The following VEGFB variants were observed in gnomAD, a reference collection of about 807,000 sequenced individuals.
VEGFB encodes vascular endothelial growth factor B, also known as VEGF-related factor.
A neutral mutation model predicts 22.5 loss-of-function variants in VEGFB; 24 were observed. The observed-to-expected ratio is 1.07, with a 90% CI of 0.77 to 1.50. VEGFB has a LOEUF of 1.50. Ranked by LOEUF, VEGFB falls within the 40% of genes most tolerant of loss-of-function variation. VEGFB has a pLI of 0.00. For synonymous variants in VEGFB, 141 were observed against 117.4 expected (o/e 1.20, Z -1.30); for missense variants, 327 against 287.8 (o/e 1.14, Z -0.99).
rs374179641 is a variant in VEGFB, at chr11:64,237,146, C to G, written c.375-41C>G. The G allele has an allele frequency of 2.1e-5, 31 of 1,466,710 alleles. 1 individual carries two copies. The highest frequency in any genetic ancestry group is 2.0e-4 in the African/African-American group (13 of 64,058). 90.9% of individuals were successfully genotyped at this position (1,466,710 alleles called of 1,614,324 possible). ...GAGTAGGATGCTGGGATTTCCTGAT[C>G]TTCCTCTTGTTTGTCTGTGTCTGTC... On this transcript the variant is annotated intron_variant, in intron 4 of 6. Transcript: ENST00000309422.
chr11:64,237,655 G>A lies in VEGFB; in HGVS notation c.*22G>A, dbSNP rs1366624676. 1 of 1,520,822 alleles carries A rather than the reference G, an allele frequency of 6.6e-7. No individual in the cohort carries two copies. Among genetic ancestry groups the A allele is most frequent in the East Asian group, 2.5e-5 (1 of 40,590 alleles). The allele number at this position is 1,520,822 out of a possible 1,614,324, so 94.2% of individuals were successfully genotyped here. On this transcript the variant is annotated splice_region_variant and 3_prime_UTR_variant, in exon 6 of 7. Coordinates refer to ENST00000309422, the MANE Select transcript of VEGFB (RefSeq NM_003377.5). ...TTAGAGCTCAACCCAGACACCTGCA[G>A]GTGAGGCGTCTGTGGGGTGGTGTTT...
Position 64,236,298 on chromosome 11 carries a change from C to G in VEGFB, c.345C>G (p.Ser115=), listed in dbSNP as rs766065598. 2 of 1,613,898 alleles carry G rather than the reference C, an allele frequency of 1.2e-6. No individual in the cohort carries two copies. The highest frequency in any genetic ancestry group is 4.5e-5 in the East Asian group (2 of 44,884). ...CGAGCAGTCAGCTGGGGGAGATGTC[C>G]CTGGAAGAACACAGCCAGTGTGAAT... ...RYPSSQLGEM[S]LEEHSQCECR... The change falls in exon 4 of 7, where the codon TCC becomes TCG. Residue 115 remains serine (S), a synonymous_variant. Transcript: ENST00000309422.
rs1178439545 is a variant in VEGFB, at chr11:64,237,083, CAAAGAGAGAGAGAG to C, written c.375-102_375-89del. On this transcript the variant is annotated intron_variant, in intron 4 of 6. Coordinates refer to ENST00000309422, the MANE Select transcript of VEGFB (RefSeq NM_003377.5). The stretch of plus-strand genomic sequence containing the variant: ...GGGCAAGAAGAGGGAAACACAGTCT[CAAAGAGAGAGAGAG>C]AGAGAGAGAGAGAGAGAGAGAGAGA... 148 of 650,498 alleles carry C rather than the reference CAAAGAGAGAGAGAG, an allele frequency of 2.3e-4. 8 individuals are homozygous for C. Among genetic ancestry groups the C allele is most frequent in the African/African-American group, 1.3e-3 (44 of 34,480 alleles). 40.3% of individuals were successfully genotyped at this position (650,498 alleles called of 1,614,324 possible). A position where few individuals can be genotyped will look rare whatever the true frequency, so the allele number is the denominator to read the frequency against.
chr11:64,236,859 A>C (rs1436496255), intron 4 of VEGFB, among the ~76,000 whole-genome samples: 1 of 149,250 alleles, frequency 6.7e-6, no homozygotes, highest in African/African-American at 2.4e-5. Flanking sequence ...CAGGCAGATC[A>C]CCTGAGGTAA....
rs1374023961 is a variant in VEGFB, at chr11:64,237,075, C to T, written c.375-112C>T. On this transcript the variant is annotated intron_variant, in intron 4 of 6. Transcript: ENST00000309422. ...TCCAGCCTGGGCAAGAAGAGGGAAA[C>T]ACAGTCTCAAAGAGAGAGAGAGAGA... 5 of 765,388 alleles carry T rather than the reference C, an allele frequency of 6.5e-6. No homozygotes were observed. The African/African-American group carries it at 1.2e-4, about 18-fold the overall frequency. 47.4% of individuals were successfully genotyped at this position (765,388 alleles called of 1,614,324 possible).
At chr11:64,237,369 C>G (rs1210052287) in intron 5 of VEGFB, 51 bp from the exon 6 acceptor site, 1 of 1,538,998 alleles carries the variant, frequency 6.5e-7, no homozygotes, top group South Asian at 1.2e-5. Flanking sequence ...GACCCCAGCT[C>G]TAGGGAAGAC....
At chr11:64,237,260 G>C in intron 5 of VEGFB, 38 bp downstream of exon 5, 1 of 1,578,504 alleles carries the variant, frequency 6.3e-7, no homozygotes. Context: ...GGGGTATGGG[G>C]AGTACAAGTG....
chr11:64,236,771 T>C (rs1273074700), intron 4 of VEGFB, among the ~76,000 whole-genome samples: 1 of 129,608 alleles, frequency 7.7e-6, no homozygotes, highest in African/African-American at 2.8e-5. Flanking sequence ...AGGCCTTGGA[T>C]CTGGGGCAAC....
At chr11:64,235,684 A>G in intron 2 of VEGFB, 129 bp from the exon 3 acceptor site, 7 of 1,289,028 alleles carry the variant, frequency 5.4e-6, no homozygotes, top group Non-Finnish European at 7.7e-6. Context: ...GCAGGGGAAG[A>G]CAGGTTGTGA....
chr11:64,236,229 C>T (rs767373609), intron 3 of VEGFB, 25 bp from the exon 4 acceptor site: 8 of 1,610,772 alleles, frequency 5.0e-6, no homozygotes, highest in East Asian at 4.5e-5. Context: ...CCTCACTGTC[C>T]CCCCTGTTCT....
Position 64,236,347 on chromosome 11 carries a change from T to C in VEGFB, c.374+20T>C. On this transcript the variant is annotated intron_variant, in intron 4 of 6. Coordinates refer to ENST00000309422, the MANE Select transcript of VEGFB (RefSeq NM_003377.5). Reference sequence around the variant, plus strand: ...ATGCAGGTGCCAGCCAGGCCCAACTTCTGAGCTCGCAGAGGCCAGGCTTGG... The same window carrying C: ...ATGCAGGTGCCAGCCAGGCCCAACTCCTGAGCTCGCAGAGGCCAGGCTTGG... 6.2e-7 allele frequency: 1 copy of C among 1,612,710 alleles called. No homozygotes were observed. Among genetic ancestry groups the C allele is most frequent in the African/African-American group, 1.3e-5 (1 of 74,986 alleles).
Position 64,237,133 on chromosome 11 carries a change from G to A in VEGFB, c.375-54G>A, listed in dbSNP as rs1346918278. On this transcript the variant is annotated intron_variant, in intron 4 of 6. Coordinates refer to ENST00000309422, the MANE Select transcript of VEGFB (RefSeq NM_003377.5). ...AGAGAGAGAGAGAGAGTAGGATGCT[G>A]GGATTTCCTGATCTTCCTCTTGTTT... 5 of 1,314,062 alleles carry A rather than the reference G, an allele frequency of 3.8e-6. 2 individuals are homozygous for A. Among genetic ancestry groups the A allele is most frequent in the South Asian group, 2.5e-5 (2 of 78,846 alleles). 81.4% of individuals were successfully genotyped at this position (1,314,062 alleles called of 1,614,324 possible). A position where few individuals can be genotyped will look rare whatever the true frequency, so the allele number is the denominator to read the frequency against.
rs1164482571 is a variant in VEGFB, at chr11:64,238,410, G to A, written c.*77G>A. 2.0e-6 allele frequency: 3 copies of A among 1,536,108 alleles called. No individual in the cohort carries two copies. Among genetic ancestry groups the A allele is most frequent in the Admixed American group, 2.0e-5 (1 of 50,998 alleles). On this transcript the variant is annotated 3_prime_UTR_variant, in exon 7 of 7. Transcript: ENST00000309422. The stretch of plus-strand genomic sequence containing the variant: ...CTTTTCAGACTCAGCAGGGTGACTT[G>A]CCTCAGAGGCTATATCCCAGTGGGG...
In VEGFB at chr11:64,235,985, T is replaced by G. The variant is rs1201020993; in HGVS notation, c.276T>G (p.Thr92=). Residue 92 remains threonine, a synonymous_variant, in exon 3 of 7, where the codon ACT becomes ACG. Coordinates refer to ENST00000309422, the MANE Select transcript of VEGFB (RefSeq NM_003377.5). ...ACGATGGCCTGGAGTGTGTGCCCAC[T>G]GGGCAGCACCAAGTCCGGATGCAGG... ...CPDDGLECVP[T]GQHQVRMQIL... The G allele has an allele frequency of 6.2e-7, 1 of 1,602,246 alleles. No homozygotes were observed. Among genetic ancestry groups the G allele is most frequent in the Admixed American group, 1.7e-5 (1 of 57,884 alleles).
In VEGFB at chr11:64,237,129, T is replaced by C. The variant is rs554828254; in HGVS notation, c.375-58T>C. The stretch of plus-strand genomic sequence containing the variant: ...AGAGAGAGAGAGAGAGAGAGTAGGA[T>C]GCTGGGATTTCCTGATCTTCCTCTT... On this transcript the variant is annotated intron_variant, in intron 4 of 6. Coordinates refer to ENST00000309422, the MANE Select transcript of VEGFB (RefSeq NM_003377.5). 56 of 1,129,234 alleles carry C rather than the reference T, an allele frequency of 5.0e-5. 9 individuals carry two copies. In the East Asian group the frequency reaches 9.3e-4, roughly 19 times the overall value. 70.0% of individuals were successfully genotyped at this position (1,129,234 alleles called of 1,614,324 possible).
rs762472861 is a variant in VEGFB, at chr11:64,237,550, A to T, written c.541A>T (p.Ser181Cys). 3 of 1,605,214 alleles carry T rather than the reference A, an allele frequency of 1.9e-6. No homozygotes were observed. The highest frequency in any genetic ancestry group is 2.5e-6 in the Non-Finnish European group (3 of 1,178,370). ...APGPSAHAAP[S>C]TTSALTPGPA... ...AGGCCCCTCTGCCCACGCTGCACCCAGCACCACCAGCGCCCTGACCCCCGG... is the reference window on the plus strand; with the variant it reads ...AGGCCCCTCTGCCCACGCTGCACCCTGCACCACCAGCGCCCTGACCCCCGG... Residue 181 changes from serine to cysteine, a missense_variant, in exon 6 of 7, where the codon AGC becomes TGC. Physicochemically the swap from Ser to Cys is moderately radical, Grantham distance 112. Transcript: ENST00000309422.
chr11:64,237,243 C>T (rs1157037664), intron 5 of VEGFB, 21 bp downstream of exon 5: 6 of 1,606,304 alleles, frequency 3.7e-6, no homozygotes, highest in Non-Finnish European at 5.1e-6. Context: ...TGGACTCCAG[C>T]TGAGTAGGGG....
Position 64,234,838 on chromosome 11 carries a change from G to A in VEGFB, c.5G>A (p.Ser2Asn), listed in dbSNP as rs1442200459. The A allele has an allele frequency of 2.4e-6, 3 of 1,245,100 alleles. No individual in the cohort carries two copies. The highest frequency in any genetic ancestry group is 3.8e-5 in the Admixed American group (1 of 26,506). 77.1% of individuals were successfully genotyped at this position (1,245,100 alleles called of 1,614,324 possible). ...CGGGCGGCCCCGGCGGGCACCATGA[G>A]CCCTCTGCTCCGCCGCCTGCTGCTC... M[S>N]PLLRRLLLAA... Residue 2 changes from serine to asparagine, a missense_variant, in exon 1 of 7, where the codon AGC becomes AAC. Ser to Asn is a conservative substitution (Grantham distance 46). Coordinates refer to ENST00000309422, the MANE Select transcript of VEGFB (RefSeq NM_003377.5). The surrounding 1 kb of genome is among the most constrained non-coding windows in gnomAD (Gnocchi z 5.3).
In VEGFB at chr11:64,237,330, C is replaced by G. The variant is rs372065574; in HGVS notation, c.411-90C>G. 8.6e-6 allele frequency: 13 copies of G among 1,514,784 alleles called. No individual in the cohort carries two copies. In the East Asian group the frequency reaches 1.6e-4, roughly 19 times the overall value. The allele number at this position is 1,514,784 out of a possible 1,614,324, so 93.8% of individuals were successfully genotyped here. A position where few individuals can be genotyped will look rare whatever the true frequency, so the allele number is the denominator to read the frequency against. On this transcript the variant is annotated intron_variant, in intron 5 of 6. Coordinates refer to ENST00000309422, the MANE Select transcript of VEGFB (RefSeq NM_003377.5). ...CCCGTCCCCCACTTTCCCTTTTCCTCTGCTCCCCAAGCCTGTGTTCTCTGC... is the reference window on the plus strand; with the variant it reads ...CCCGTCCCCCACTTTCCCTTTTCCTGTGCTCCCCAAGCCTGTGTTCTCTGC...
Sources: gnomAD v4.1 joint callset for allele counts (sites outside exome capture counted in the v4.1 genomes callset) on GRCh38, gnomAD v4.1.1 for gene constraint, Gnocchi (gnomAD v3.1) non-coding constraint, MANE v1.5 for transcripts, NCBI Gene and HGNC (gene_info 2026-07-23, HGNC 2026-07-21) for gene names.